ZIC1: variants seen among roughly 807,000 people sequenced by gnomAD.
The protein encoded by ZIC1 is zinc finger protein ZIC 1.
Under a neutral mutation model 30.9 loss-of-function variants are expected in ZIC1, and 4 were observed. The ratio of observed to expected loss-of-function variants is 0.13; its 90% CI spans 0.06 to 0.30. The LOEUF (loss-of-function observed/expected upper bound fraction) is 0.30. ZIC1 is among the 10% of genes least tolerant of loss of function. ZIC1 has a pLI of 1.00. For synonymous variants in ZIC1, 305 were observed against 277.5 expected, an observed-to-expected ratio of 1.10 and a Z score of -0.98; for missense variants, 441 against 639.3, an observed-to-expected ratio of 0.69 and a Z score of 3.34.
chr3:147,413,518 G>T lies in ZIC1; in HGVS notation c.1311G>T (p.Ala437=), dbSNP rs564229372. ...SAVHHTAGHS[A]LSSNFNEWYV Reference sequence around the variant, plus strand: ...TCCACCACACAGCCGGCCACAGTGCGCTCTCTTCCAATTTTAACGAATGGT... The same window carrying T: ...TCCACCACACAGCCGGCCACAGTGCTCTCTCTTCCAATTTTAACGAATGGT... The change falls in exon 3 of 3, where the codon GCG becomes GCT. Residue 437 remains alanine, a synonymous_variant. Transcript: ENST00000282928. 5 of 1,613,996 alleles carry T rather than the reference G, an allele frequency of 3.1e-6. No homozygotes were observed. Among genetic ancestry groups the T allele is most frequent in the East Asian group, 2.2e-5 (1 of 44,864 alleles).
At position 147,413,561 on chromosome 3, in the gene ZIC1, C is replaced by A. The variant is rs746940274; in HGVS notation, c.*10C>A. 4 of 1,613,750 alleles carry A rather than the reference C, an allele frequency of 2.5e-6. 1 individual carries two copies. In the Admixed American group the frequency reaches 6.7e-5, roughly 27 times the overall value. On this transcript the variant is annotated 3_prime_UTR_variant, in exon 3 of 3. Transcript: ENST00000282928. ...CGAATGGTACGTTTAAAATCAGAAA[C>A]AAAACATCGAACAAAACCCTATTTA...
rs1023299019 is a variant in ZIC1, at chr3:147,413,978, C to CG, written c.*430dup. 1 of 127,450 alleles carries CG rather than the reference C, an allele frequency of 7.8e-6. No homozygotes were observed. Among genetic ancestry groups the CG allele is most frequent in the African/African-American group, 3.0e-5 (1 of 33,478 alleles). The allele number at this position is 127,450 out of a possible 1,614,324, so 7.9% of individuals were successfully genotyped here. Reference sequence around the variant, plus strand: ...GTAAATAGTTATATCTCGGTTGGAGCGGGTGGGTGGGATTGTGGCGTTGTG... The same window carrying CG: ...GTAAATAGTTATATCTCGGTTGGAGCGGGGTGGGTGGGATTGTGGCGTTGTG... On this transcript the variant is annotated 3_prime_UTR_variant, in exon 3 of 3. Coordinates refer to ENST00000282928, the MANE Select transcript of ZIC1 (RefSeq NM_003412.4).
chr3:147,415,973 T>C lies in ZIC1; in HGVS notation c.*2422T>C, dbSNP rs1422288757. On this transcript the variant is annotated 3_prime_UTR_variant, in exon 3 of 3. Transcript: ENST00000282928. The stretch of plus-strand genomic sequence containing the variant: ...GGGTGGTGTTTAACTTTTTAAAAAA[T>C]GTTATTCTGATTATAACAATAATAT... 6.6e-6 allele frequency: 1 copy of C among 152,228 alleles called. No homozygotes were observed. Among genetic ancestry groups the C allele is most frequent in the African/African-American group, 2.4e-5 (1 of 41,450 alleles). 9.4% of individuals were successfully genotyped at this position (152,228 alleles called of 1,614,324 possible). A position where few individuals can be genotyped will look rare whatever the true frequency, so the allele number is the denominator to read the frequency against.
chr3:147,413,273 G>C, intron 2 of ZIC1, 81 bp from the exon 3 acceptor site: 1 of 1,483,100 alleles, frequency 6.7e-7, no homozygotes, highest in Non-Finnish European at 9.2e-7. Flanking sequence ...CCAGGAGGAA[G>C]GGCACTCGCG....
At chr3:147,412,797 C>T (rs1289397539) in intron 2 of ZIC1, 116 bp downstream of exon 2, 2 of 1,332,700 alleles carry the variant, frequency 1.5e-6, no homozygotes, top group East Asian at 4.7e-5. Context: ...AGCGGGAAGG[C>T]AAAGGTTCCA....
Position 147,410,663 on chromosome 3 carries a change from C to G in ZIC1, c.551C>G (p.Pro184Arg). ...RPEQYGQVTS[P>R]RSEHYAAPQL... ...GAGCAGTACGGCCAGGTGACCAGCC[C>G]GCGTTCGGAGCACTATGCTGCGCCG... Residue 184 changes from proline (P) to arginine (R), a missense_variant, in exon 1 of 3, where the codon CCG becomes CGG. Coordinates refer to ENST00000282928, the MANE Select transcript of ZIC1 (RefSeq NM_003412.4). 1.2e-6 allele frequency: 2 copies of G among 1,613,814 alleles called. No homozygotes were observed. Among genetic ancestry groups the G allele is most frequent in the Non-Finnish European group, 1.7e-6 (2 of 1,179,936 alleles).
chr3:147,413,794 G>A lies in ZIC1; in HGVS notation c.*243G>A. 5.1e-6 allele frequency: 2 copies of A among 392,548 alleles called. No individual in the cohort carries two copies. Among genetic ancestry groups the A allele is most frequent in the Non-Finnish European group, 8.6e-6 (2 of 232,062 alleles). The allele number at this position is 392,548 out of a possible 1,614,324, so 24.3% of individuals were successfully genotyped here. ...AAGGCTTGGTACCCAAGGTGCGGTA[G>A]GGGGTCGAGGGGGAGGAGGCCACCT... On this transcript the variant is annotated 3_prime_UTR_variant, in exon 3 of 3. Coordinates refer to ENST00000282928, the MANE Select transcript of ZIC1 (RefSeq NM_003412.4).
At position 147,413,434 on chromosome 3, in the gene ZIC1, C is replaced by A; in HGVS notation, c.1227C>A (p.Ile409=). Reference sequence around the variant, plus strand: ...ACGAATCCTCCACGCCTCCCACCATCGTGTCTCCCTCCACAGACAACCCGA... The same window carrying A: ...ACGAATCCTCCACGCCTCCCACCATAGTGTCTCCCTCCACAGACAACCCGA... ...SGYESSTPPT[I]VSPSTDNPTT... is the part of the protein sequence containing the mutation. Residue 409 remains isoleucine (I), a synonymous_variant, in exon 3 of 3, where the codon ATC becomes ATA. Coordinates refer to ENST00000282928, the MANE Select transcript of ZIC1 (RefSeq NM_003412.4). The A allele has an allele frequency of 6.2e-7, 1 of 1,614,164 alleles. No homozygotes were observed. The highest frequency in any genetic ancestry group is 8.5e-7 in the Non-Finnish European group (1 of 1,180,030).
intron 1 of ZIC1, among the ~76,000 whole-genome samples, chr3:147,412,274 A>C (rs1483616722): frequency 6.6e-6 from 1 of 152,114 alleles, no homozygotes; most frequent in Non-Finnish European, 1.5e-5. Flanking sequence ...TCCTACTATT[A>C]ATTTTTTTAA....
At position 147,415,562 on chromosome 3, in the gene ZIC1, C is replaced by T. The variant is rs1325227874; in HGVS notation, c.*2011C>T. ...GTAGCCGGAGATCACAAATCAGGCC[C>T]TTGGCTGTAGTTGCTAGTGTGTGGA... On this transcript the variant is annotated 3_prime_UTR_variant, in exon 3 of 3. Transcript: ENST00000282928. The T allele has an allele frequency of 1.1e-4, 17 of 152,676 alleles. No homozygotes were observed. 9.5% of individuals were successfully genotyped at this position (152,676 alleles called of 1,614,324 possible).
chr3:147,414,449 T>C lies in ZIC1; in HGVS notation c.*898T>C, dbSNP rs1463212885. ...TATTTATCCGCATGTAAAGGGCCGG[T>C]TTATCCATGTTACAGCTCTTCAATA... On this transcript the variant is annotated 3_prime_UTR_variant, in exon 3 of 3. Coordinates refer to ENST00000282928, the MANE Select transcript of ZIC1 (RefSeq NM_003412.4). 6.6e-6 allele frequency: 1 copy of C among 152,630 alleles called. No individual in the cohort carries two copies. Among genetic ancestry groups the C allele is most frequent in the Non-Finnish European group, 1.5e-5 (1 of 68,042 alleles). 9.5% of individuals were successfully genotyped at this position (152,630 alleles called of 1,614,324 possible).
At position 147,410,218 on chromosome 3, in the gene ZIC1, G is replaced by A; in HGVS notation, c.106G>A (p.Gly36Ser). Residue 36 changes from glycine (G) to serine (S), a missense_variant, in exon 1 of 3, where the codon GGC becomes AGC. Around this residue, in one of 5 missense-constraint regions of ZIC1, gnomAD observed 307 missense variants for 355.3 expected, o/e 0.86. Transcript: ENST00000282928. The stretch of plus-strand genomic sequence containing the variant: ...CGTGGCCGAACGAGACGTGGGCCTG[G>A]GCATCAACCCGTTCGCCGACGGCAT... Reference protein sequence around the residue: ...GDVAERDVGLGINPFADGMGA... With the variant: ...GDVAERDVGLSINPFADGMGA... 1 of 1,601,728 alleles carries A rather than the reference G, an allele frequency of 6.2e-7. No homozygotes were observed. Among genetic ancestry groups the A allele is most frequent in the Non-Finnish European group, 8.5e-7 (1 of 1,179,656 alleles).
Position 147,410,732 on chromosome 3 carries a change from A to G in ZIC1, c.620A>G (p.His207Arg). The change falls in exon 1 of 3, where the codon CAT becomes CGT. Residue 207 changes from histidine to arginine, a missense_variant. This residue lies in a region of ZIC1 where 307 missense variants were observed against 355.3 expected (regional missense o/e 0.86). Transcript: ENST00000282928. ...YGPMNVNMAA[H>R]HGAGAFFRYM... ...CCCATGAACGTGAACATGGCCGCGC[A>G]TCACGGCGCCGGCGCCTTCTTCCGC... 1.2e-6 allele frequency: 2 copies of G among 1,614,066 alleles called. No individual in the cohort carries two copies. The highest frequency in any genetic ancestry group is 1.7e-6 in the Non-Finnish European group (2 of 1,179,964).
chr3:147,412,552 T>C lies in ZIC1; in HGVS notation c.1017T>C (p.Cys339=). The part of the protein sequence containing the change: ...EKPFKCEFEG[C]DRRFANSSDR... The stretch of plus-strand genomic sequence containing the variant: ...CCTTCAAGTGCGAGTTTGAGGGCTG[T>C]GACCGGCGCTTCGCTAACAGCAGCG... The change falls in exon 2 of 3, where the codon TGT becomes TGC. Residue 339 remains cysteine (C), a synonymous_variant. Coordinates refer to ENST00000282928, the MANE Select transcript of ZIC1 (RefSeq NM_003412.4). 3 of 1,614,226 alleles carry C rather than the reference T, an allele frequency of 1.9e-6. No individual in the cohort carries two copies. Among genetic ancestry groups the C allele is most frequent in the Non-Finnish European group, 1.7e-6 (2 of 1,180,030 alleles).
intron 1 of ZIC1, 63 bp downstream of exon 1, chr3:147,411,157 T>G: frequency 6.5e-7 from 1 of 1,540,664 alleles, no homozygotes; most frequent in Non-Finnish European, 8.7e-7. Context: ...AAACCGAAAG[T>G]CAGCGGCCAG....
intron 1 of ZIC1, among the ~76,000 whole-genome samples, chr3:147,411,726 A>G (rs975538958): frequency 2.6e-5 from 4 of 152,238 alleles, no homozygotes; most frequent in African/African-American, 9.6e-5. Flanking sequence ...GAGGAAGGCA[A>G]GGAAGAACTT....
At position 147,413,626 on chromosome 3, in the gene ZIC1, A is replaced by G. The variant is rs999822601; in HGVS notation, c.*75A>G. The G allele has an allele frequency of 1.3e-6, 2 of 1,530,128 alleles. No homozygotes were observed. Among genetic ancestry groups the G allele is most frequent in the Admixed American group, 2.0e-5 (1 of 50,976 alleles). The allele number at this position is 1,530,128 out of a possible 1,614,324, so 94.8% of individuals were successfully genotyped here. On this transcript the variant is annotated 3_prime_UTR_variant, in exon 3 of 3. Coordinates refer to ENST00000282928, the MANE Select transcript of ZIC1 (RefSeq NM_003412.4). ...CACGTATACACAACATTACTGAAAG[A>G]ACCCTGCGAATCAAAACAACCCCCA...
In ZIC1 at chr3:147,413,447, A is replaced by G. The variant is rs143292136; in HGVS notation, c.1240A>G (p.Thr414Ala). 1.3e-3 allele frequency: 2,156 copies of G among 1,614,024 alleles called. 1 individual carries two copies. Among genetic ancestry groups the G allele is most frequent in the Non-Finnish European group, 1.6e-3 (1,868 of 1,180,016 alleles). The change falls in exon 3 of 3, where the codon ACA (threonine) becomes GCA (alanine). Residue 414 changes from threonine to alanine, a missense_variant. Thr to Ala is a moderately conservative substitution (Grantham distance 58). Transcript: ENST00000282928. The part of the protein sequence containing the change: ...STPPTIVSPS[T>A]DNPTTSSLSP... Reference sequence around the variant, plus strand: ...GCCTCCCACCATCGTGTCTCCCTCCACAGACAACCCGACCACAAGCTCCTT... The same window carrying G: ...GCCTCCCACCATCGTGTCTCCCTCCGCAGACAACCCGACCACAAGCTCCTT...
chr3:147,413,526 C>A lies in ZIC1; in HGVS notation c.1319C>A (p.Ser440Tyr). The A allele has an allele frequency of 6.2e-7, 1 of 1,614,118 alleles. No homozygotes were observed. Among genetic ancestry groups the A allele is most frequent in the Non-Finnish European group, 8.5e-7 (1 of 1,180,032 alleles). The stretch of plus-strand genomic sequence containing the variant: ...ACAGCCGGCCACAGTGCGCTCTCTT[C>A]CAATTTTAACGAATGGTACGTTTAA... ...HHTAGHSALS[S>Y]NFNEWYV The change falls in exon 3 of 3, where the codon TCC becomes TAC. Residue 440 changes from serine (S) to tyrosine (Y), a missense_variant. Ser to Tyr is a moderately radical substitution (Grantham distance 144, BLOSUM62 -2). Around this residue, in one of 5 missense-constraint regions of ZIC1, gnomAD observed 56 missense variants for 52.5 expected, o/e 1.07. Transcript: ENST00000282928.
Sources: allele counts gnomAD v4.1 joint callset (sites outside exome capture counted in the v4.1 genomes callset), GRCh38; gene constraint gnomAD v4.1.1; regional missense constraint gnomAD v4.1.1; transcripts MANE v1.5; gene names NCBI Gene and HGNC (gene_info 2026-07-23, HGNC 2026-07-21).